SDHAF3: variants seen among roughly 807,000 people sequenced by gnomAD.
The protein encoded by SDHAF3 is succinate dehydrogenase assembly factor 3, mitochondrial.
A neutral mutation model predicts 11.5 loss-of-function variants in SDHAF3; 18 were observed. The observed-to-expected ratio is 1.56, with a 90% CI of 1.08 to 2.32. The LOEUF (loss-of-function observed/expected upper bound fraction) is 2.32. Ranked by LOEUF, SDHAF3 falls within the 30% of genes most tolerant of loss-of-function variation. The pLI is 0.00. For missense variants in SDHAF3, 200 were observed against 154.4 expected (o/e 1.30, Z -1.57); for synonymous variants, 72 against 59.3 (o/e 1.21, Z -0.99).
intron 1 of SDHAF3, among the ~76,000 whole-genome samples, chr7:97,138,916 G>T (rs973768685): frequency 2.0e-5 from 3 of 152,166 alleles, no homozygotes; most frequent in Non-Finnish European, 2.9e-5. Flanking sequence ...ATTGGACCAT[G>T]CCTGGCTTGC....
At chr7:97,130,406 G>A (rs964355536) in intron 1 of SDHAF3, among the ~76,000 whole-genome samples, 1 of 152,186 alleles carries the variant, frequency 6.6e-6, no homozygotes, top group Non-Finnish European at 1.5e-5. Context: ...CCAAACTGGG[G>A]CATGTTACAG....
At chr7:97,166,899 T>TA (rs1281179924) in intron 1 of SDHAF3, among the ~76,000 whole-genome samples, 3 of 152,210 alleles carry the variant, frequency 2.0e-5, no homozygotes, top group Non-Finnish European at 4.4e-5. Flanking sequence ...GAACAATGCA[T>TA]AATGGATTTT....
intron 1 of SDHAF3, among the ~76,000 whole-genome samples, chr7:97,136,136 G>A (rs932964916): frequency 2.0e-5 from 3 of 152,012 alleles, no homozygotes; most frequent in Non-Finnish European, 2.9e-5. Flanking sequence ...GAGCTGTTAG[G>A]ACAAAGACTA....
intron 1 of SDHAF3, among the ~76,000 whole-genome samples, chr7:97,161,098 G>T (rs1460788866): frequency 2.6e-5 from 4 of 152,146 alleles, no homozygotes; most frequent in Non-Finnish European, 4.4e-5. Flanking sequence ...CTTTTGTGAT[G>T]CTGGGCAGTG....
chr7:97,167,723 C>T, intron 1 of SDHAF3, among the ~76,000 whole-genome samples: 1 of 152,112 alleles, frequency 6.6e-6, no homozygotes, highest in African/African-American at 2.4e-5. Flanking sequence ...AGAGTTGAAG[C>T]TATCCTCTTG....
intron 1 of SDHAF3, among the ~76,000 whole-genome samples, chr7:97,178,905 A>G (rs967169323): frequency 2.0e-5 from 3 of 152,284 alleles, no homozygotes; most frequent in Admixed American, 6.5e-5. Context: ...CTAAGAACCT[A>G]TTGCCAAATC....
At chr7:97,168,590 C>T (rs1009917603) in intron 1 of SDHAF3, among the ~76,000 whole-genome samples, 1 of 152,096 alleles carries the variant, frequency 6.6e-6, no homozygotes, top group Non-Finnish European at 1.5e-5. Context: ...CAATCCCTTC[C>T]TTTGGGTTTT....
intron 1 of SDHAF3, among the ~76,000 whole-genome samples, chr7:97,137,457 G>A (rs79171796): frequency 0.11 from 16,285 of 152,186 alleles, 878 homozygotes; most frequent in Middle Eastern, 0.16. Context: ...TCAAGATCAA[G>A]TTCAAGTCAA....
At chr7:97,124,796 TTGTC>T (rs1210391341) in intron 1 of SDHAF3, among the ~76,000 whole-genome samples, 1 of 152,138 alleles carries the variant, frequency 6.6e-6, no homozygotes, top group African/African-American at 2.4e-5. Context: ...GGCTCTCTGT[TTGTC>T]TATTATTGGT....
chr7:97,118,026 T>G (rs1791434937), intron 1 of SDHAF3, 129 bp downstream of exon 1: 4 of 1,137,320 alleles, frequency 3.5e-6, no homozygotes, highest in African/African-American at 1.5e-5. Flanking sequence ...CGTAATGCTG[T>G]TCAGGTAACA....
chr7:97,140,255 G>C (rs1219052315), intron 1 of SDHAF3, among the ~76,000 whole-genome samples: 1 of 150,972 alleles, frequency 6.6e-6, no homozygotes, highest in East Asian at 1.9e-4. Context: ...ATATGGTGCT[G>C]TCAATTCTTA....
At chr7:97,157,802 A>G (rs988624290) in intron 1 of SDHAF3, among the ~76,000 whole-genome samples, 1 of 151,998 alleles carries the variant, frequency 6.6e-6, no homozygotes, top group Non-Finnish European at 1.5e-5. Flanking sequence ...AAATGATTTC[A>G]TGTCCTTTGT....
intron 1 of SDHAF3, among the ~76,000 whole-genome samples, chr7:97,178,747 A>G (rs756526604): frequency 6.6e-6 from 1 of 152,140 alleles, no homozygotes; most frequent in Non-Finnish European, 1.5e-5. Flanking sequence ...TCTGGATAAT[A>G]AACCCTTTTC....
In SDHAF3 at chr7:97,142,122, T is replaced by C. The variant is rs1450994171; in HGVS notation, c.174+24225T>C. 2.8e-5 allele frequency among the ~76,000 whole-genome samples: 4 copies of C among 141,460 alleles called. No homozygotes were observed. The South Asian group carries it at 7.2e-4, about 26-fold the overall frequency. The allele number at this position is 141,460 out of a possible 152,430, so 92.8% of individuals were successfully genotyped here. ...GGGCTGGAGTGCAGTGGTGTGATCG[T>C]GGCTCACTCCAACCTCTGCCTCCCG... On this transcript the variant is annotated intron_variant, in intron 1 of 1. Coordinates refer to ENST00000432641, the MANE Select transcript of SDHAF3 (RefSeq NM_020186.3).
At chr7:97,130,247 C>T (rs114517516) in intron 1 of SDHAF3, among the ~76,000 whole-genome samples, 20 of 145,082 alleles carry the variant, frequency 1.4e-4, no homozygotes, top group East Asian at 2.1e-4. Context: ...ACTCCAGCCT[C>T]GGTGACGGAG....
intron 1 of SDHAF3, among the ~76,000 whole-genome samples, chr7:97,147,605 G>GT (rs1789155297): frequency 6.6e-6 from 1 of 152,206 alleles, no homozygotes; most frequent in Non-Finnish European, 1.5e-5. Context: ...GAAAGCTCAT[G>GT]CTGCCATGGG....
intron 1 of SDHAF3, among the ~76,000 whole-genome samples, chr7:97,128,543 G>T (rs945467911): frequency 2.6e-5 from 4 of 152,070 alleles, no homozygotes; most frequent in African/African-American, 9.7e-5. Context: ...ATGTTAATAT[G>T]CTAGTGGTCA....
In SDHAF3 at chr7:97,117,698, G is replaced by T. The variant is rs1443014659; in HGVS notation, c.-26G>T. Reference sequence around the variant, plus strand: ...GAACGCGCCGTCCCTCTGCGCAGGCGCAGTCGGCGGTCGGCGTGGGGCGCT... The same window carrying T: ...GAACGCGCCGTCCCTCTGCGCAGGCTCAGTCGGCGGTCGGCGTGGGGCGCT... On this transcript the variant is annotated 5_prime_UTR_variant, in exon 1 of 2. Transcript: ENST00000432641. The T allele has an allele frequency of 6.2e-7, 1 of 1,602,190 alleles. No individual in the cohort carries two copies.
chr7:97,174,567 A>G (rs570542307), intron 1 of SDHAF3, among the ~76,000 whole-genome samples: 5 of 152,302 alleles, frequency 3.3e-5, no homozygotes, highest in African/African-American at 1.2e-4. Context: ...CTAATCTGTA[A>G]TAGTTCCTTC....
Sources: allele counts gnomAD v4.1 joint callset (sites outside exome capture counted in the v4.1 genomes callset), GRCh38; gene constraint gnomAD v4.1.1; transcripts MANE v1.5; gene names NCBI Gene and HGNC (gene_info 2026-07-23, HGNC 2026-07-21).